RGS7: variants seen among roughly 807,000 people sequenced by gnomAD.
RGS7 encodes regulator of G protein signaling 7, also known as regulator of G-protein signaling 7.
Under a neutral mutation model 81.1 loss-of-function variants are expected in RGS7, and 27 were observed. The ratio of observed to expected loss-of-function variants is 0.33; its 90% CI spans 0.25 to 0.46. RGS7 has a LOEUF of 0.46. Ranked by LOEUF, RGS7 falls within the 20% of genes least tolerant of loss-of-function variation. The probability of loss-of-function intolerance (pLI) is 1.00; values close to 1 mark genes in which losing one functional copy is unlikely to be tolerated. For missense variants in RGS7, 396 were observed against 607.4 expected, an observed-to-expected ratio of 0.65 and a Z score of 3.66; for synonymous variants, 208 against 207.7, an observed-to-expected ratio of 1.00 and a Z score of -0.01.
At chr1:241,197,893 A>T (rs912760908) in intron 2 of RGS7, among the ~76,000 whole-genome samples, 4 of 151,696 alleles carry the variant, frequency 2.6e-5, no homozygotes, top group African/African-American at 9.7e-5. Flanking sequence ...TTACTACTGT[A>T]TAATAATATT....
chr1:240,808,984 C>T (rs1004662914), intron 14 of RGS7, among the ~76,000 whole-genome samples: 9 of 151,948 alleles, frequency 5.9e-5, no homozygotes, highest in Non-Finnish European at 1.3e-4. Flanking sequence ...GATGATAACG[C>T]CTATTTCACT....
chr1:241,248,614 T>G (rs896977963), intron 2 of RGS7, among the ~76,000 whole-genome samples: 1 of 152,058 alleles, frequency 6.6e-6, no homozygotes. Flanking sequence ...GTATTTTTTT[T>G]AAAATTTCTT....
intron 2 of RGS7, among the ~76,000 whole-genome samples, chr1:241,345,090 T>C (rs992803791): frequency 1.3e-5 from 2 of 152,142 alleles, no homozygotes; most frequent in Admixed American, 1.3e-4. Context: ...TGTGGGAACA[T>C]GGAAGTAGCT....
intron 2 of RGS7, among the ~76,000 whole-genome samples, chr1:241,176,118 A>C (rs189974223): frequency 1.2e-4 from 19 of 152,298 alleles, no homozygotes; most frequent in African/African-American, 4.1e-4. Context: ...ATCTGCCTAG[A>C]CAGTAACAGA....
At chr1:241,324,799 GTT>G (rs778143878) in intron 2 of RGS7, among the ~76,000 whole-genome samples, 2 of 152,108 alleles carry the variant, frequency 1.3e-5, no homozygotes, top group African/African-American at 4.8e-5. Context: ...AAAGACACAA[GTT>G]TTTGGCCTAA....
intron 2 of RGS7, among the ~76,000 whole-genome samples, chr1:241,256,978 T>C (rs561186452): frequency 3.3e-5 from 5 of 151,898 alleles, no homozygotes; most frequent in Non-Finnish European, 7.4e-5. Flanking sequence ...TGTATCTATA[T>C]ATACATATTG....
intron 2 of RGS7, among the ~76,000 whole-genome samples, chr1:241,143,768 T>C (rs1054548807): frequency 6.6e-6 from 1 of 152,216 alleles, no homozygotes; most frequent in Non-Finnish European, 1.5e-5. Flanking sequence ...GAAATTCATA[T>C]GTTGAAATGA....
chr1:240,900,679 T>A (rs1304597684), intron 6 of RGS7, among the ~76,000 whole-genome samples: 1 of 152,040 alleles, frequency 6.6e-6, no homozygotes, highest in Non-Finnish European at 1.5e-5. Context: ...GGGCACCCAG[T>A]CATATGAGGT....
At chr1:241,153,476 A>G (rs1396307650) in intron 2 of RGS7, among the ~76,000 whole-genome samples, 3 of 152,174 alleles carry the variant, frequency 2.0e-5, no homozygotes, top group African/African-American at 4.8e-5. Flanking sequence ...AAAAAAAAAA[A>G]GTGGTTAGAT....
chr1:241,074,425 A>G (rs565354932), intron 3 of RGS7, among the ~76,000 whole-genome samples: 1 of 152,210 alleles, frequency 6.6e-6, no homozygotes, highest in Non-Finnish European at 1.5e-5. Context: ...TCAAAACTCA[A>G]TTACCAGAAA....
At chr1:241,030,377 TACAC>T (rs1553394000) in intron 3 of RGS7, among the ~76,000 whole-genome samples, 3 of 137,418 alleles carry the variant, frequency 2.2e-5, no homozygotes, top group African/African-American at 8.3e-5. Flanking sequence ...TATATATACA[TACAC>T]ACATACATAC....
At chr1:241,086,336 T>C (rs2500245) in intron 3 of RGS7, among the ~76,000 whole-genome samples, 30,368 of 152,116 alleles carry the variant, frequency 0.2, 3,600 homozygotes, top group African/African-American at 0.31. Context: ...GGTGCATTCA[T>C]TGTCAAAGTC....
intron 2 of RGS7, among the ~76,000 whole-genome samples, chr1:241,314,714 T>C (rs1490381581): frequency 6.6e-6 from 1 of 152,110 alleles, no homozygotes; most frequent in Non-Finnish European, 1.5e-5. Context: ...TTGCAGGGGA[T>C]TTGGTAAAAG....
At chr1:241,158,237 A>G (rs1443918830) in intron 2 of RGS7, among the ~76,000 whole-genome samples, 2 of 152,192 alleles carry the variant, frequency 1.3e-5, no homozygotes, top group African/African-American at 2.4e-5. Context: ...AAAGCCAAAT[A>G]TGTTTACTAT....
In RGS7 at chr1:241,114,878, T is replaced by G. The variant is rs143780954; in HGVS notation, c.79-16116A>C. On this transcript the variant is annotated intron_variant, in intron 2 of 18. Transcript: ENST00000440928. ...TGTTTTGTAAAATGTTGCAAATGAC[T>G]GAAGGGCACCAGGGAAGACCCTTTC... Among the ~76,000 whole-genome samples, 107 of 152,324 alleles carry G rather than the reference T, an allele frequency of 7.0e-4. 1 individual carries two copies. The highest frequency in any genetic ancestry group is 2.5e-3 in the African/African-American group (104 of 41,582).
chr1:241,121,933 A>C (rs1333286726), intron 2 of RGS7, among the ~76,000 whole-genome samples: 1 of 151,666 alleles, frequency 6.6e-6, no homozygotes, highest in Non-Finnish European at 1.5e-5. Context: ...CAAATTCCCG[A>C]GCTTACGCAT....
At chr1:241,234,434 C>A (rs1370484278) in intron 2 of RGS7, among the ~76,000 whole-genome samples, 1 of 152,168 alleles carries the variant, frequency 6.6e-6, no homozygotes, top group Non-Finnish European at 1.5e-5. Flanking sequence ...CTCCCAGAAA[C>A]CTTCCCTCAA....
At chr1:241,233,079 A>T (rs1386711931) in intron 2 of RGS7, among the ~76,000 whole-genome samples, 1 of 152,146 alleles carries the variant, frequency 6.6e-6, no homozygotes, top group Non-Finnish European at 1.5e-5. Flanking sequence ...ACTCCCCAGC[A>T]CCCGTAAGTC....
intron 6 of RGS7, among the ~76,000 whole-genome samples, chr1:240,906,900 C>T (rs958865442): frequency 3.3e-5 from 5 of 152,186 alleles, no homozygotes; most frequent in African/African-American, 1.2e-4. Context: ...TTTGGTATAC[C>T]TAAGAGCCTG....
Sources: allele counts gnomAD v4.1 joint callset (sites outside exome capture counted in the v4.1 genomes callset), GRCh38; gene constraint gnomAD v4.1.1; transcripts MANE v1.5; gene names NCBI Gene and HGNC (gene_info 2026-07-23, HGNC 2026-07-21).